Variants in KANSL1 observed in about 807,000 individuals in gnomAD.
KANSL1 encodes KAT8 regulatory NSL complex subunit 1.
Under a neutral mutation model 103.6 loss-of-function variants are expected in KANSL1, and 22 were observed. The ratio of observed to expected loss-of-function variants is 0.21; its 90% confidence interval spans 0.15 to 0.30. The LOEUF is 0.30. Ranked by LOEUF, KANSL1 falls within the 10% of genes least tolerant of loss-of-function variation. KANSL1 has a pLI of 1.00. For missense variants in KANSL1, 1,337 were observed against 1,399.8 expected (o/e 0.96, Z 0.72); for synonymous variants, 600 against 527.6 (o/e 1.14, Z -1.88).
intron 2 of KANSL1, among the ~76,000 whole-genome samples, chr17:46,128,761 A>C (rs1219113605): frequency 6.6e-6 from 1 of 152,234 alleles, no homozygotes; most frequent in Non-Finnish European, 1.5e-5. Context: ...AGACAACACC[A>C]ATGAGGTAAA....
intron 1 of KANSL1, among the ~76,000 whole-genome samples, chr17:46,181,947 T>TA (rs141371634): frequency 0.11 from 17,217 of 150,326 alleles, no homozygotes; most frequent in Non-Finnish European, 0.17. Flanking sequence ...AAAAACTTCT[T>TA]AGACTCTTCC....
intron 1 of KANSL1, among the ~76,000 whole-genome samples, chr17:46,183,772 GA>G (rs1473783148): frequency 6.6e-6 from 1 of 152,040 alleles, no homozygotes; most frequent in Non-Finnish European, 1.5e-5. Context: ...CCAACACAGC[GA>G]AACCCCGTCT....
At chr17:46,170,603 C>A in intron 2 of KANSL1, 2 of 496,174 alleles carry the variant, frequency 4.0e-6, no homozygotes, top group South Asian at 3.9e-5. Context: ...AAGATGTCTC[C>A]TAGTTATTTT....
chr17:46,215,302 A>G (rs2048305382), intron 1 of KANSL1: 1 of 152,556 alleles, frequency 6.6e-6, no homozygotes, highest in South Asian at 2.1e-4. Flanking sequence ...ACTGGGCACA[A>G]GCTATCTGTA....
intron 4 of KANSL1, among the ~76,000 whole-genome samples, chr17:46,082,005 T>C (rs150013863): frequency 2.0e-5 from 3 of 152,308 alleles, no homozygotes; most frequent in Non-Finnish European, 4.4e-5. Flanking sequence ...AGTTTAATGC[T>C]CATTATAGAA....
intron 6 of KANSL1, among the ~76,000 whole-genome samples, chr17:46,051,766 T>G (rs2077718490): frequency 6.6e-6 from 1 of 152,190 alleles, no homozygotes; most frequent in Admixed American, 6.5e-5. Context: ...ACTCTAACAT[T>G]TACTAGAGCT....
Position 46,050,520 on chromosome 17 carries a change from TG to T in KANSL1, c.2020+12del. On this transcript the variant is annotated intron_variant, in intron 7 of 14. Transcript: ENST00000432791. ...TTCTTTCATTAGACTTTCTAGTCTG[TG>T]GTCTTTCTTACCATCTGGAAATGCT... 6.2e-7 allele frequency: 1 copy of T among 1,613,172 alleles called. No individual in the cohort carries two copies. The highest frequency in any genetic ancestry group is 1.1e-5 in the South Asian group (1 of 91,024).
intron 1 of KANSL1, among the ~76,000 whole-genome samples, chr17:46,189,898 C>A (rs1403655876): frequency 1.5e-4 from 17 of 111,252 alleles, no homozygotes; most frequent in South Asian, 1.4e-3. Context: ...CAGAACGAGA[C>A]CCTGCCTCAA....
intron 3 of KANSL1, among the ~76,000 whole-genome samples, chr17:46,084,119 C>T (rs2079075787): frequency 8.8e-6 from 1 of 113,022 alleles, no homozygotes; most frequent in African/African-American, 2.6e-5. Context: ...CGGCTCACAC[C>T]TGTAATCCCA....
At chr17:46,125,995 A>G (rs887350846) in intron 2 of KANSL1, among the ~76,000 whole-genome samples, 5 of 152,230 alleles carry the variant, frequency 3.3e-5, no homozygotes, top group Admixed American at 6.5e-5. Context: ...TTAGAGACTG[A>G]GCAATCTGGA....
At chr17:46,216,881 G>A (rs1035210459) in intron 1 of KANSL1, among the ~76,000 whole-genome samples, 1 of 152,096 alleles carries the variant, frequency 6.6e-6, no homozygotes, top group Non-Finnish European at 1.5e-5. Flanking sequence ...CAAGGCCACA[G>A]GATCGCTTGA....
chr17:46,200,469 G>A (rs1597956342), intron 1 of KANSL1, among the ~76,000 whole-genome samples: 1 of 152,332 alleles, frequency 6.6e-6, no homozygotes, highest in East Asian at 1.9e-4. Context: ...CAGGCTGGGT[G>A]CGGTAGCTCA....
chr17:46,110,585 A>C lies in KANSL1; in HGVS notation c.1290-15884T>G, dbSNP rs1425977630. On this transcript the variant is annotated intron_variant, in intron 2 of 14. Transcript: ENST00000432791. ...TACAAATTTACAAGTATTACTGCCA[A>C]ATCAATTTTCTCAAAAATAAGTCAA... Among the ~76,000 whole-genome samples the C allele has an allele frequency of 2.6e-5, 4 of 152,370 alleles. No individual in the cohort carries two copies. In the East Asian group the frequency reaches 7.7e-4, roughly 29 times the overall value.
intron 2 of KANSL1, among the ~76,000 whole-genome samples, chr17:46,099,624 A>G (rs1461175338): frequency 3.3e-5 from 5 of 152,254 alleles, no homozygotes; most frequent in African/African-American, 1.2e-4. Flanking sequence ...TCTAACACTG[A>G]TGAGTCAACT....
At chr17:46,060,594 A>G (rs1273759566) in intron 6 of KANSL1, among the ~76,000 whole-genome samples, 1 of 152,172 alleles carries the variant, frequency 6.6e-6, no homozygotes, top group African/African-American at 2.4e-5. Context: ...CTAGTATGAA[A>G]AAGTTGGTTG....
chr17:46,112,601 C>T (rs2042867346), intron 2 of KANSL1, among the ~76,000 whole-genome samples: 2 of 149,268 alleles, frequency 1.3e-5, no homozygotes, highest in Admixed American at 6.6e-5. Flanking sequence ...GGGAGAATCG[C>T]TTGAACCTGG....
intron 1 of KANSL1, among the ~76,000 whole-genome samples, chr17:46,185,458 AGG>A (rs1384393317): frequency 6.6e-6 from 1 of 152,246 alleles, no homozygotes; most frequent in African/African-American, 2.4e-5. Flanking sequence ...AGCATTATAA[AGG>A]TAATAGCCAT....
chr17:46,043,817 C>T (rs1229520344), intron 7 of KANSL1: 1 of 152,128 alleles, frequency 6.6e-6, no homozygotes, highest in Non-Finnish European at 1.5e-5. Context: ...GGAACACTAC[C>T]TTGTACTCTC....
At chr17:46,129,206 T>C (rs1488332558) in intron 2 of KANSL1, among the ~76,000 whole-genome samples, 2 of 152,106 alleles carry the variant, frequency 1.3e-5, no homozygotes, top group South Asian at 2.1e-4. Flanking sequence ...CAGTATGTTC[T>C]AGTTGAATTA....
Sources: gnomAD v4.1 joint callset for allele counts (sites outside exome capture counted in the v4.1 genomes callset) on GRCh38, gnomAD v4.1.1 for gene constraint, MANE v1.5 for transcripts, NCBI Gene and HGNC (gene_info 2026-07-23, HGNC 2026-07-21) for gene names.